The following SORCS2 variants were observed in gnomAD, a reference collection of about 807,000 sequenced individuals.
SORCS2 encodes the protein sortilin related VPS10 domain containing receptor 2.
In SORCS2, 100 loss-of-function variants were observed where a neutral mutation model predicts 141.6. The ratio of observed to expected loss-of-function variants is 0.71; its 90% CI spans 0.60 to 0.83. The LOEUF (loss-of-function observed/expected upper bound fraction) is 0.83, where lower values mean the gene tolerates loss of function less well. Among genes scored for constraint, SORCS2 ranks in the 40% least tolerant of loss-of-function variants. SORCS2 has a pLI of 0.00. For missense variants in SORCS2, 1,646 were observed against 1,560.2 expected (o/e 1.05, Z -0.93); for synonymous variants, 789 against 676.9 (o/e 1.17, Z -2.57).
chr4:7,351,335 C>A (rs1289052415), intron 1 of SORCS2, among the ~76,000 whole-genome samples: 2 of 152,190 alleles, frequency 1.3e-5, no homozygotes, highest in African/African-American at 2.4e-5. Flanking sequence ...CGACCCCTGC[C>A]ACAGCCTTTC....
At chr4:7,223,395 C>T (rs1011466848) in intron 1 of SORCS2, among the ~76,000 whole-genome samples, 23 of 152,094 alleles carry the variant, frequency 1.5e-4, no homozygotes, top group African/African-American at 5.6e-4. Flanking sequence ...GGTGAAAATC[C>T]TTTGGAAAGG....
rs1010455825 is a variant in SORCS2 at position 7,663,658 on chromosome 4, C to T, written c.953-695C>T. ...GGGGTGGGCTTTTCTGGTTTCTAAA[C>T]GTCTTCCCTTAACCATTCTCCATGC... is the stretch of plus-strand genomic sequence containing the variant. On this transcript the variant is annotated intron_variant, in intron 6 of 26. Transcript: ENST00000507866. The surrounding 1 kb of genome is among the most constrained non-coding windows in gnomAD (Gnocchi z 4.8). Among the ~76,000 whole-genome samples the T allele has an allele frequency of 5.3e-5, 8 of 152,188 alleles. No individual in the cohort carries two copies. Among genetic ancestry groups the T allele is most frequent in the African/African-American group, 1.7e-4 (7 of 41,444 alleles).
intron 4 of SORCS2, 67 bp downstream of exon 4, chr4:7,638,559 A>G (rs1032202150): frequency 2.0e-6 from 3 of 1,508,652 alleles, no homozygotes; most frequent in Non-Finnish European, 2.7e-6. Flanking sequence ...CCTGGAGGTG[A>G]GTGCCCACTT....
chr4:7,732,021 A>G (rs73794751), intron 23 of SORCS2, among the ~76,000 whole-genome samples: 24,790 of 152,082 alleles, frequency 0.16, 2,204 homozygotes, highest in African/African-American at 0.22. Flanking sequence ...GGCCCACAGA[A>G]TAGGAGAAAA....
At position 7,712,789 on chromosome 4, in the gene SORCS2, G is replaced by A. The variant is rs568487568; in HGVS notation, c.1925G>A (p.Arg642Gln). The A allele has an allele frequency of 1.9e-5, 31 of 1,613,840 alleles. No individual in the cohort carries two copies. Among genetic ancestry groups the A allele is most frequent in the South Asian group, 5.5e-5 (5 of 91,070 alleles). ...TGGGAGCTGGTCAAGGTGGACTTCC[G>A]GCCCTCATTCTCCAGGCAGTGCGGC... ...SDWELVKVDFRPSFSRQCGEE... is the reference protein window; with the variant it reads ...SDWELVKVDFQPSFSRQCGEE... The change falls in exon 15 of 27, where the codon CGG becomes CAG. Residue 642 changes from arginine (R) to glutamine (Q), a missense_variant. Arg to Gln is a conservative substitution (Grantham distance 43). Coordinates refer to ENST00000507866, the MANE Select transcript of SORCS2 (RefSeq NM_020777.3).
At chr4:7,476,372 G>A (rs764122326) in intron 2 of SORCS2, among the ~76,000 whole-genome samples, 3 of 152,176 alleles carry the variant, frequency 2.0e-5, no homozygotes, top group Non-Finnish European at 2.9e-5. Flanking sequence ...ACGTCTGACT[G>A]GGGCTGGCTG....
intron 3 of SORCS2, among the ~76,000 whole-genome samples, chr4:7,547,045 C>G (rs1713314019): frequency 6.6e-6 from 1 of 152,196 alleles, no homozygotes; most frequent in South Asian, 2.1e-4. Context: ...CCCCTGCTTT[C>G]TGGTGCCGAG....
intron 2 of SORCS2, among the ~76,000 whole-genome samples, chr4:7,481,385 A>G (rs1400722858): frequency 6.6e-6 from 1 of 152,200 alleles, no homozygotes; most frequent in Non-Finnish European, 1.5e-5. Flanking sequence ...AGGGAAGGAA[A>G]GAGCTGGGTG....
chr4:7,447,042 A>G (rs1728047569), intron 2 of SORCS2, among the ~76,000 whole-genome samples: 1 of 152,208 alleles, frequency 6.6e-6, no homozygotes, highest in Non-Finnish European at 1.5e-5. Flanking sequence ...CAGCACAGAG[A>G]AGAAGCCATG....
intron 14 of SORCS2, among the ~76,000 whole-genome samples, chr4:7,705,894 C>T (rs1453762378): frequency 6.6e-6 from 1 of 152,284 alleles, no homozygotes; most frequent in Non-Finnish European, 1.5e-5. Context: ...GCACAGCTCC[C>T]AGGAGGCCAC....
intron 3 of SORCS2, among the ~76,000 whole-genome samples, chr4:7,633,654 C>T (rs149481184): frequency 6.6e-6 from 1 of 152,196 alleles, no homozygotes; most frequent in African/African-American, 2.4e-5. Context: ...TTTTTCTATG[C>T]GTTTTGCTCT....
In SORCS2 at chr4:7,192,836, C is replaced by T. The variant is rs569517953; in HGVS notation, c.190C>T (p.Leu64=). ...CGGGCGCCTGGGTCCTCACGCCCAA[C>T]TGACCCGGGTGCCGCGGAGCCCTCC... ...EPGRLGPHAQ[L]TRVPRSPPAG... The change falls in exon 1 of 27, where the codon CTG becomes TTG. Residue 64 remains leucine, a synonymous_variant. Transcript: ENST00000507866. This position sits in a 1 kb window ranked among gnomAD's most constrained non-coding sequence, Gnocchi z 4.0. 685 of 1,040,906 alleles carry T rather than the reference C, an allele frequency of 6.6e-4. 8 individuals are homozygous for T. In the African/African-American group the frequency reaches 0.01, roughly 16 times the overall value. 64.5% of individuals were successfully genotyped at this position (1,040,906 alleles called of 1,614,324 possible).
intron 5 of SORCS2, among the ~76,000 whole-genome samples, chr4:7,655,808 G>T (rs1478305960): frequency 6.6e-6 from 1 of 152,242 alleles, no homozygotes; most frequent in African/African-American, 2.4e-5. Flanking sequence ...GGTCGCTCTG[G>T]GGGATTGGTA....
At chr4:7,576,387 A>C (rs967444226) in intron 3 of SORCS2, among the ~76,000 whole-genome samples, 9 of 152,234 alleles carry the variant, frequency 5.9e-5, no homozygotes, top group African/African-American at 2.2e-4. Context: ...TGATTCCATT[A>C]ACTAATAGCA....
intron 1 of SORCS2, among the ~76,000 whole-genome samples, chr4:7,350,974 G>A (rs941831077): frequency 8.5e-5 from 13 of 152,162 alleles, no homozygotes; most frequent in Non-Finnish European, 1.3e-4. Context: ...GCTCCCTGGG[G>A]CACACGTGGT....
chr4:7,473,758 G>A (rs556612622), intron 2 of SORCS2, among the ~76,000 whole-genome samples: 5 of 152,224 alleles, frequency 3.3e-5, no homozygotes, highest in Admixed American at 2.0e-4. Context: ...GAGGTGGGAG[G>A]GTGGGCGCGG....
intron 1 of SORCS2, among the ~76,000 whole-genome samples, chr4:7,385,056 A>G (rs1723209476): frequency 6.6e-6 from 1 of 152,170 alleles, no homozygotes; most frequent in Non-Finnish European, 1.5e-5. Flanking sequence ...TGGAGAATCC[A>G]GGAGGGCTCT....
At chr4:7,506,031 T>C (rs1281205830) in intron 2 of SORCS2, among the ~76,000 whole-genome samples, 1 of 152,030 alleles carries the variant, frequency 6.6e-6, no homozygotes, top group African/African-American at 2.4e-5. Flanking sequence ...AGTAGCCTAG[T>C]GAGGGGTTCA....
intron 2 of SORCS2, among the ~76,000 whole-genome samples, chr4:7,450,272 G>C (rs1560294718): frequency 6.6e-6 from 1 of 152,214 alleles, no homozygotes; most frequent in African/African-American, 2.4e-5. Context: ...GAGTGACACG[G>C]TGTGTGACCC....
Sources: allele counts gnomAD v4.1 joint callset (sites outside exome capture counted in the v4.1 genomes callset), GRCh38; gene constraint gnomAD v4.1.1; non-coding constraint Gnocchi (gnomAD v3.1); transcripts MANE v1.5; gene names NCBI Gene and HGNC (gene_info 2026-07-23, HGNC 2026-07-21).